KIRREL3: variants seen among roughly 807,000 people sequenced by gnomAD.
KIRREL3 encodes the protein kin of IRRE-like protein 3.
In KIRREL3, 36 loss-of-function variants were observed where a neutral mutation model predicts 89.7. The ratio of observed to expected loss-of-function variants is 0.40; its 90% CI spans 0.31 to 0.53. KIRREL3 has a LOEUF of 0.53. Among genes scored for constraint, KIRREL3 ranks in the 20% least tolerant of loss-of-function variants. The pLI is 0.49. For missense variants in KIRREL3, 864 were observed against 1,056.6 expected (o/e 0.82, Z 2.53); for synonymous variants, 445 against 441.4 (o/e 1.01, Z -0.10).
intron 8 of KIRREL3, among the ~76,000 whole-genome samples, chr11:126,447,711 G>A (rs1955876183): frequency 6.6e-6 from 1 of 152,190 alleles, no homozygotes; most frequent in African/African-American, 2.4e-5. Flanking sequence ...TCCGACCGTG[G>A]CCAGGCAGGC....
chr11:126,667,514 C>T (rs766416408), intron 1 of KIRREL3, among the ~76,000 whole-genome samples: 3 of 152,092 alleles, frequency 2.0e-5, no homozygotes, highest in Non-Finnish European at 2.9e-5. Flanking sequence ...AAGGGAAGAT[C>T]GGGGGAGAAT....
rs1944658581 is a variant in KIRREL3 at position 126,860,143 on chromosome 11, A to T, written c.55+140312T>A. On this transcript the variant is annotated intron_variant, in intron 1 of 16. Coordinates refer to ENST00000525144, the MANE Select transcript of KIRREL3 (RefSeq NM_032531.4). The surrounding 1 kb of genome is among the most constrained non-coding windows in gnomAD (Gnocchi z 4.6). ...TAAGGAGAGAAAGAGGGAGGATGATATTGGAATTAATTTCAATACAACAAA... is the reference window on the plus strand; with the variant it reads ...TAAGGAGAGAAAGAGGGAGGATGATTTTGGAATTAATTTCAATACAACAAA... Among the ~76,000 whole-genome samples the T allele has an allele frequency of 6.6e-6, 1 of 152,180 alleles. No homozygotes were observed. The highest frequency in any genetic ancestry group is 1.5e-5 in the Non-Finnish European group (1 of 68,036).
At chr11:126,559,845 A>T (rs1939980450) in intron 2 of KIRREL3, among the ~76,000 whole-genome samples, 1 of 150,040 alleles carries the variant, frequency 6.7e-6, no homozygotes, top group African/African-American at 2.5e-5. Context: ...GATTATTATT[A>T]TTTTTTTTTG....
chr11:126,971,745 T>C (rs535398204), intron 1 of KIRREL3, among the ~76,000 whole-genome samples: 54 of 152,302 alleles, frequency 3.5e-4, no homozygotes, highest in Admixed American at 1.2e-3. Flanking sequence ...TCTGAATCTT[T>C]CCTATAGTCC....
chr11:126,682,416 G>T lies in KIRREL3; in HGVS notation c.56-119504C>A, dbSNP rs775645821. Among the ~76,000 whole-genome samples, 1 of 152,116 alleles carries T rather than the reference G, an allele frequency of 6.6e-6. No individual in the cohort carries two copies. The highest frequency in any genetic ancestry group is 1.5e-5 in the Non-Finnish European group (1 of 68,042). ...TGTTGCTGGGAGGATGAAGTGAGATGAATCTGGTGATACTGAGTAGGTGTG... is the reference window on the plus strand; with the variant it reads ...TGTTGCTGGGAGGATGAAGTGAGATTAATCTGGTGATACTGAGTAGGTGTG... On this transcript the variant is annotated intron_variant, in intron 1 of 16. Coordinates refer to ENST00000525144, the MANE Select transcript of KIRREL3 (RefSeq NM_032531.4). The surrounding 1 kb of genome is among the most constrained non-coding windows in gnomAD (Gnocchi z 4.8).
At chr11:126,479,393 C>G (rs998045343) in intron 4 of KIRREL3, among the ~76,000 whole-genome samples, 1 of 152,212 alleles carries the variant, frequency 6.6e-6, no homozygotes, top group Non-Finnish European at 1.5e-5. Context: ...AAGCCATACA[C>G]GGCCTGCCAT....
Position 126,697,521 on chromosome 11 carries a change from A to G in KIRREL3, c.56-134609T>C, listed in dbSNP as rs543683958. Among the ~76,000 whole-genome samples, 50 of 152,322 alleles carry G rather than the reference A, an allele frequency of 3.3e-4. No individual in the cohort carries two copies. Among genetic ancestry groups the G allele is most frequent in the Admixed American group, 7.2e-4 (11 of 15,308 alleles). ...GGCTAAGTCCTACGACTGTGACACA[A>G]CTGATGCTCAGTGGCTCTTTGTTTA... is the stretch of plus-strand genomic sequence containing the variant. On this transcript the variant is annotated intron_variant, in intron 1 of 16. Coordinates refer to ENST00000525144, the MANE Select transcript of KIRREL3 (RefSeq NM_032531.4). The surrounding 1 kb of genome is among the most constrained non-coding windows in gnomAD (Gnocchi z 4.2).
chr11:126,495,063 A>G lies in KIRREL3; in HGVS notation c.434-21597T>C, dbSNP rs1957620806. On this transcript the variant is annotated intron_variant, in intron 4 of 16. Coordinates refer to ENST00000525144, the MANE Select transcript of KIRREL3 (RefSeq NM_032531.4). This position sits in a 1 kb window ranked among gnomAD's most constrained non-coding sequence, Gnocchi z 6.5. Reference sequence around the variant, plus strand: ...TGTGCACTGGCCAATTCCAGTGGGCACTGAGCACTTAGCTGGCCCCTCTTA... The same window carrying G: ...TGTGCACTGGCCAATTCCAGTGGGCGCTGAGCACTTAGCTGGCCCCTCTTA... Among the ~76,000 whole-genome samples the G allele has an allele frequency of 6.6e-6, 1 of 152,198 alleles. No homozygotes were observed. Among genetic ancestry groups the G allele is most frequent in the South Asian group, 2.1e-4 (1 of 4,836 alleles).
chr11:126,522,445 T>C lies in KIRREL3; in HGVS notation c.284-981A>G, dbSNP rs550000493. On this transcript the variant is annotated intron_variant, in intron 3 of 16. Coordinates refer to ENST00000525144, the MANE Select transcript of KIRREL3 (RefSeq NM_032531.4). This position sits in a 1 kb window ranked among gnomAD's most constrained non-coding sequence, Gnocchi z 6.0. ...TTGAGTCACAGTGGACCCTGTCTAGTCATTCCTCCTGTCCCGCCAGAAGCC... is the reference window on the plus strand; with the variant it reads ...TTGAGTCACAGTGGACCCTGTCTAGCCATTCCTCCTGTCCCGCCAGAAGCC... 6.6e-6 allele frequency among the ~76,000 whole-genome samples: 1 copy of C among 152,306 alleles called. No homozygotes were observed. The highest frequency in any genetic ancestry group is 1.9e-4 in the East Asian group (1 of 5,184).
chr11:126,444,921 G>A (rs925480373), intron 10 of KIRREL3, 58 bp downstream of exon 10: 3 of 1,603,832 alleles, frequency 1.9e-6, no homozygotes, highest in Non-Finnish European at 2.6e-6. Flanking sequence ...CTGGTGCCAA[G>A]ATGCCTGAGG....
intron 11 of KIRREL3, among the ~76,000 whole-genome samples, chr11:126,437,963 C>T (rs1336053546): frequency 2.3e-4 from 35 of 152,186 alleles, no homozygotes; most frequent in Admixed American, 2.3e-3. Context: ...TGCCATGACA[C>T]ATGTACACGG....
chr11:126,932,043 GAC>G (rs1947968794), intron 1 of KIRREL3, among the ~76,000 whole-genome samples: 1 of 152,230 alleles, frequency 6.6e-6, no homozygotes, highest in African/African-American at 2.4e-5. Context: ...TGGCTGACAA[GAC>G]AATGATTTGA....
Position 126,610,642 on chromosome 11 carries a change from G to A in KIRREL3, c.56-47730C>T, listed in dbSNP as rs1304194842. ...GAGCCAACCGTGCATGTCTGAAGCA[G>A]GTATTCTCTTCCCTGCAGGTGCCAG... On this transcript the variant is annotated intron_variant, in intron 1 of 16. Transcript: ENST00000525144. The surrounding 1 kb of genome is among the most constrained non-coding windows in gnomAD (Gnocchi z 4.6). The A allele has an allele frequency of 6.6e-6, 1 of 152,240 alleles. No homozygotes were observed. Among genetic ancestry groups the A allele is most frequent in the Non-Finnish European group, 1.5e-5 (1 of 68,072 alleles). The allele number at this position is 152,240 out of a possible 1,614,324, so 9.4% of individuals were successfully genotyped here.
At chr11:126,902,308 G>C (rs1047399521) in intron 1 of KIRREL3, among the ~76,000 whole-genome samples, 1 of 152,194 alleles carries the variant, frequency 6.6e-6, no homozygotes, top group Non-Finnish European at 1.5e-5. Flanking sequence ...ACACACTTTC[G>C]TGTCTTTGTT....
At position 126,491,805 on chromosome 11, in the gene KIRREL3, G is replaced by A. The variant is rs759269536; in HGVS notation, c.434-18339C>T. The stretch of plus-strand genomic sequence containing the variant: ...CAACCTCCACCTCCCAGGTTCAAGC[G>A]ATTCTCCTGCCTCAGCTGCCTGAGT... On this transcript the variant is annotated intron_variant, in intron 4 of 16. Coordinates refer to ENST00000525144, the MANE Select transcript of KIRREL3 (RefSeq NM_032531.4). This position sits in a 1 kb window ranked among gnomAD's most constrained non-coding sequence, Gnocchi z 5.5. 2.6e-5 allele frequency among the ~76,000 whole-genome samples: 4 copies of A among 151,998 alleles called. No individual in the cohort carries two copies. Among genetic ancestry groups the A allele is most frequent in the Non-Finnish European group, 4.4e-5 (3 of 68,008 alleles).
In KIRREL3 at chr11:126,708,639, G is replaced by T. The variant is rs935501413; in HGVS notation, c.56-145727C>A. Among the ~76,000 whole-genome samples the T allele has an allele frequency of 6.6e-6, 1 of 152,162 alleles. No homozygotes were observed. Among genetic ancestry groups the T allele is most frequent in the Non-Finnish European group, 1.5e-5 (1 of 68,016 alleles). On this transcript the variant is annotated intron_variant, in intron 1 of 16. Transcript: ENST00000525144. The surrounding 1 kb of genome is among the most constrained non-coding windows in gnomAD (Gnocchi z 5.7). ...GTCCAGGAGAGGCACCGGCGAACTCGAGAGCCAAGAGCGGCACTCCCACCT... is the reference window on the plus strand; with the variant it reads ...GTCCAGGAGAGGCACCGGCGAACTCTAGAGCCAAGAGCGGCACTCCCACCT...
At position 126,710,313 on chromosome 11, in the gene KIRREL3, G is replaced by A. The variant is rs1947706734; in HGVS notation, c.56-147401C>T. The stretch of plus-strand genomic sequence containing the variant: ...GAACACAGGACTTCACAAAGCTGAG[G>A]AGAGAAGGGAGATAGCTAGCTCAGT... On this transcript the variant is annotated intron_variant, in intron 1 of 16. Coordinates refer to ENST00000525144, the MANE Select transcript of KIRREL3 (RefSeq NM_032531.4). This position sits in a 1 kb window ranked among gnomAD's most constrained non-coding sequence, Gnocchi z 4.2. Among the ~76,000 whole-genome samples, 1 of 152,196 alleles carries A rather than the reference G, an allele frequency of 6.6e-6. No homozygotes were observed. Among genetic ancestry groups the A allele is most frequent in the Admixed American group, 6.5e-5 (1 of 15,286 alleles).
intron 1 of KIRREL3, among the ~76,000 whole-genome samples, chr11:126,711,033 C>T (rs985953582): frequency 3.3e-5 from 5 of 152,056 alleles, no homozygotes; most frequent in Non-Finnish European, 7.4e-5. Flanking sequence ...TCACTTTCCC[C>T]CAAGAAAAAT....
intron 4 of KIRREL3, among the ~76,000 whole-genome samples, chr11:126,502,171 T>G (rs1312756901): frequency 2.0e-5 from 3 of 152,238 alleles, no homozygotes; most frequent in Non-Finnish European, 4.4e-5. Context: ...CTGCTGCATA[T>G]GAATCCAGGT....
Sources: allele counts gnomAD v4.1 joint callset (sites outside exome capture counted in the v4.1 genomes callset), GRCh38; gene constraint gnomAD v4.1.1; non-coding constraint Gnocchi (gnomAD v3.1); transcripts MANE v1.5; gene names NCBI Gene and HGNC (gene_info 2026-07-23, HGNC 2026-07-21).